PTPRJ: variants seen among roughly 807,000 people sequenced by gnomAD.
PTPRJ encodes receptor-type tyrosine-protein phosphatase eta.
PTPRJ carries 129 observed loss-of-function variants against 141.3 expected under a neutral mutation model. That is an observed-to-expected ratio of 0.91 (90% CI 0.79 to 1.06). PTPRJ has a LOEUF of 1.06. PTPRJ is among the 50% of genes least tolerant of loss of function. The pLI is 0.00. For missense variants in PTPRJ, 1,601 were observed against 1,679.7 expected, an observed-to-expected ratio of 0.95 and a Z score of 0.82; for synonymous variants, 610 against 640.5, an observed-to-expected ratio of 0.95 and a Z score of 0.72.
intron 1 of PTPRJ, among the ~76,000 whole-genome samples, chr11:48,013,663 G>C (rs995527895): frequency 6.6e-6 from 1 of 152,086 alleles, no homozygotes; most frequent in Admixed American, 6.6e-5. Context: ...GGGCAGTGGG[G>C]CAGCTCACGG....
chr11:48,052,716 T>G (rs1854607140), intron 1 of PTPRJ, among the ~76,000 whole-genome samples: 1 of 152,130 alleles, frequency 6.6e-6, no homozygotes, highest in Non-Finnish European at 1.5e-5. Flanking sequence ...GTCAAGCTTA[T>G]TTGCCCAAAA....
intron 1 of PTPRJ, among the ~76,000 whole-genome samples, chr11:48,012,041 C>T (rs555977566): frequency 3.3e-5 from 5 of 152,160 alleles, no homozygotes; most frequent in East Asian, 1.9e-4. Context: ...TGACAGAGTA[C>T]GGTGGTTTCC....
intron 18 of PTPRJ, 70 bp from the exon 19 acceptor site, chr11:48,153,726 A>G (rs1415993519): frequency 9.5e-7 from 1 of 1,057,646 alleles, no homozygotes; most frequent in Non-Finnish European, 1.5e-6. Flanking sequence ...TTTCACTGTC[A>G]TATGCTATGC....
intron 4 of PTPRJ, among the ~76,000 whole-genome samples, chr11:48,122,952 G>C (rs1856742962): frequency 6.6e-6 from 1 of 152,134 alleles, no homozygotes; most frequent in Non-Finnish European, 1.5e-5. Context: ...GTGTGTTCTT[G>C]AGCAAGCCCC....
intron 8 of PTPRJ, chr11:48,132,785 T>C: frequency 1.1e-6 from 1 of 944,030 alleles, no homozygotes; most frequent in African/African-American, 1.8e-5. Flanking sequence ...TTGAAGAAGC[T>C]TCTTCAACTG....
intron 11 of PTPRJ, among the ~76,000 whole-genome samples, chr11:48,140,057 G>T (rs1253747745): frequency 6.6e-6 from 1 of 151,982 alleles, no homozygotes; most frequent in Non-Finnish European, 1.5e-5. Flanking sequence ...TTTTTGAGAT[G>T]GAGTCTTGCT....
At chr11:48,018,453 A>G (rs185418663) in intron 1 of PTPRJ, among the ~76,000 whole-genome samples, 38 of 152,296 alleles carry the variant, frequency 2.5e-4, no homozygotes, top group African/African-American at 8.4e-4. Flanking sequence ...GGAATGGCTG[A>G]GAGACTGGGA....
At chr11:48,035,538 C>CTTCTTTTTTTTTTTTTTT (rs1854100219) in intron 1 of PTPRJ, among the ~76,000 whole-genome samples, 1 of 61,740 alleles carries the variant, frequency 1.6e-5, no homozygotes, top group African/African-American at 5.9e-5. Context: ...CTTTCTTCTT[C>CTTCTTTTTTTTTTTTTTT]TTTTTTTTTT....
intron 1 of PTPRJ, among the ~76,000 whole-genome samples, chr11:48,072,844 A>G (rs1224543778): frequency 6.6e-6 from 1 of 152,220 alleles, no homozygotes; most frequent in Non-Finnish European, 1.5e-5. Context: ...AAGCCCATAA[A>G]ACAATGAAGC....
chr11:48,070,739 T>C (rs1354634364), intron 1 of PTPRJ, among the ~76,000 whole-genome samples: 1 of 152,202 alleles, frequency 6.6e-6, no homozygotes, highest in Admixed American at 6.5e-5. Flanking sequence ...CTGCTGGTGA[T>C]CTGATTTTAA....
At position 47,980,832 on chromosome 11, in the gene PTPRJ, G is replaced by A. The variant is rs1853880607; in HGVS notation, c.-81G>A. 3 of 1,058,382 alleles carry A rather than the reference G, an allele frequency of 2.8e-6. No homozygotes were observed. The highest frequency in any genetic ancestry group is 3.4e-6 in the Non-Finnish European group (3 of 879,604). The allele number at this position is 1,058,382 out of a possible 1,614,324, so 65.6% of individuals were successfully genotyped here. ...GAGGAGGCGAAGGAGACGGCAGGAG[G>A]CGGCGACGACGGTGCCCGGGCTCGG... On this transcript the variant is annotated 5_prime_UTR_variant, in exon 1 of 25. Transcript: ENST00000418331.
chr11:48,145,220 C>T (rs1002870878), intron 14 of PTPRJ, 96 bp downstream of exon 14: 40 of 1,531,322 alleles, frequency 2.6e-5, no homozygotes, highest in Non-Finnish European at 3.4e-5. Flanking sequence ...CTCAGACCTT[C>T]AGGAGGGTTG....
intron 8 of PTPRJ, chr11:48,132,268 G>A (rs943652968): frequency 2.7e-5 from 27 of 985,132 alleles, no homozygotes; most frequent in Non-Finnish European, 2.8e-5. Context: ...AGCTACGGTG[G>A]CCTGCACCCA....
chr11:48,005,221 TAA>T (rs532611588), intron 1 of PTPRJ, among the ~76,000 whole-genome samples: 3 of 142,004 alleles, frequency 2.1e-5, no homozygotes, highest in African/African-American at 2.6e-5. Flanking sequence ...GACTCTATCT[TAA>T]AAAAAAAAAA....
At chr11:48,103,505 C>T (rs1270373615) in intron 1 of PTPRJ, among the ~76,000 whole-genome samples, 3 of 151,868 alleles carry the variant, frequency 2.0e-5, no homozygotes, top group African/African-American at 7.3e-5. Context: ...ACAAAACAAA[C>T]CAAAAAAACC....
rs544642220 is a variant in PTPRJ at position 48,096,489 on chromosome 11, C to T, written c.97-13569C>T. On this transcript the variant is annotated intron_variant, in intron 1 of 24. Coordinates refer to ENST00000418331, the MANE Select transcript of PTPRJ (RefSeq NM_002843.4). ...AGACACTCCCTTTGGCCACTTTCTC[C>T]GCCAAAACTATCCTGGTTTTAGCCC... Among the ~76,000 whole-genome samples, 25 of 152,302 alleles carry T rather than the reference C, an allele frequency of 1.6e-4. No individual in the cohort carries two copies. In the South Asian group the frequency reaches 3.7e-3, roughly 23 times the overall value.
chr11:48,082,410 ATTT>A (rs386373791), intron 1 of PTPRJ, among the ~76,000 whole-genome samples: 1 of 125,248 alleles, frequency 8.0e-6, no homozygotes, highest in African/African-American at 3.0e-5. Context: ...TACCTGGCAA[ATTT>A]TTTTTTTTTT....
intron 1 of PTPRJ, among the ~76,000 whole-genome samples, chr11:48,053,536 ATAT>A (rs930728150): frequency 2.1e-4 from 28 of 132,830 alleles, no homozygotes; most frequent in South Asian, 4.3e-4. Flanking sequence ...GTCAAATATA[ATAT>A]TATATATTTT....
intron 1 of PTPRJ, among the ~76,000 whole-genome samples, chr11:48,053,525 G>A (rs1177929666): frequency 4.1e-5 from 5 of 121,174 alleles, no homozygotes; most frequent in South Asian, 4.6e-4. Context: ...CTGAAGGAGA[G>A]GTCAAATATA....
Sources: gnomAD v4.1 joint callset for allele counts (sites outside exome capture counted in the v4.1 genomes callset) on GRCh38, gnomAD v4.1.1 for gene constraint, MANE v1.5 for transcripts, NCBI Gene and HGNC (gene_info 2026-07-23, HGNC 2026-07-21) for gene names.